The following ENPP3 variants were observed in gnomAD, a reference collection of about 807,000 sequenced individuals.
ENPP3 encodes ectonucleotide pyrophosphatase/phosphodiesterase 3.
Under a neutral mutation model 117.8 loss-of-function variants are expected in ENPP3, and 104 were observed. The observed-to-expected ratio is 0.88, with a 90% CI of 0.75 to 1.04. ENPP3 has a LOEUF of 1.04. Ranked by LOEUF, ENPP3 falls within the 50% of genes least tolerant of loss-of-function variation. The pLI is 0.00. For synonymous variants in ENPP3, 380 were observed against 349.9 expected (o/e 1.09, Z -0.96); for missense variants, 1,026 against 1,051.9 (o/e 0.98, Z 0.34).
intron 13 of ENPP3, 151 bp downstream of exon 13, chr6:131,685,646 A>G: frequency 4.0e-6 from 3 of 754,562 alleles, no homozygotes; most frequent in Non-Finnish European, 6.6e-6. Context: ...TCCCATGCTT[A>G]AGTACAGTCT....
chr6:131,671,609 T>G (rs1778744159), intron 7 of ENPP3, among the ~76,000 whole-genome samples: 1 of 152,224 alleles, frequency 6.6e-6, no homozygotes, highest in African/African-American at 2.4e-5. Context: ...TCCTCTGATC[T>G]TTCGATTGCC....
chr6:131,720,860 C>T (rs896284343), intron 17 of ENPP3, among the ~76,000 whole-genome samples: 14 of 152,266 alleles, frequency 9.2e-5, no homozygotes, highest in African/African-American at 2.6e-4. Context: ...GCTAAGATTA[C>T]GGGCATGAGC....
intron 21 of ENPP3, among the ~76,000 whole-genome samples, chr6:131,736,007 G>T (rs1336883353): frequency 1.3e-5 from 2 of 152,216 alleles, no homozygotes; most frequent in Non-Finnish European, 2.9e-5. Flanking sequence ...AATGAAAAAG[G>T]ATTTGAATAA....
chr6:131,725,874 C>T (rs2114540920), intron 19 of ENPP3, among the ~76,000 whole-genome samples, 172 bp from the exon 20 acceptor site: 1 of 152,004 alleles, frequency 6.6e-6, no homozygotes, highest in East Asian at 1.9e-4. Flanking sequence ...AATAATTATA[C>T]ATTGGATTGT....
intron 14 of ENPP3, among the ~76,000 whole-genome samples, chr6:131,687,797 G>A (rs1304980856): frequency 1.3e-5 from 2 of 151,984 alleles, no homozygotes; most frequent in Non-Finnish European, 2.9e-5. Flanking sequence ...AACCACAATG[G>A]AATAGTTTTT....
At chr6:131,660,284 C>A (rs1025101772) in intron 6 of ENPP3, among the ~76,000 whole-genome samples, 1 of 152,118 alleles carries the variant, frequency 6.6e-6, no homozygotes, top group Non-Finnish European at 1.5e-5. Context: ...AGCCCAGGGC[C>A]CCATCTCTAG....
intron 6 of ENPP3, among the ~76,000 whole-genome samples, chr6:131,666,030 A>G (rs1778609431): frequency 6.6e-6 from 1 of 152,050 alleles, no homozygotes; most frequent in Non-Finnish European, 1.5e-5. Context: ...TCCCTGTAAT[A>G]TAGATTTCTA....
intron 24 of ENPP3, 71 bp from the exon 25 acceptor site, chr6:131,746,715 C>G (rs1156780666): frequency 1.5e-6 from 2 of 1,356,678 alleles, no homozygotes; most frequent in African/African-American, 1.5e-5. Context: ...AACTTCTAAG[C>G]AATAAAAATA....
intron 7 of ENPP3, among the ~76,000 whole-genome samples, chr6:131,673,537 G>A (rs1468453808): frequency 6.6e-6 from 1 of 152,114 alleles, no homozygotes; most frequent in Non-Finnish European, 1.5e-5. Flanking sequence ...GAGGGTGGGA[G>A]GAGGGAGAGG....
In ENPP3 at chr6:131,700,667, A is replaced by C. The variant is rs947242852; in HGVS notation, c.1412+7043A>C. 32 of 1,559,110 alleles carry C rather than the reference A, an allele frequency of 2.1e-5. 4 individuals are homozygous for C. The highest frequency in any genetic ancestry group is 7.4e-5 in the Admixed American group (4 of 53,884). Reference sequence around the variant, plus strand: ...CTGTGCCATAAACGAGTCCAATCACACAGAGGTGGGAGAAGCAGGTGCGGA... The same window carrying C: ...CTGTGCCATAAACGAGTCCAATCACCCAGAGGTGGGAGAAGCAGGTGCGGA... On this transcript the variant is annotated intron_variant, in intron 15 of 24. Transcript: ENST00000357639.
chr6:131,742,624 T>G (rs3843999), intron 24 of ENPP3, among the ~76,000 whole-genome samples: 22,890 of 151,966 alleles, frequency 0.15, 2,282 homozygotes, highest in East Asian at 0.45. Flanking sequence ...ACAACAAAAA[T>G]ACAAAGAAAC....
intron 20 of ENPP3, among the ~76,000 whole-genome samples, chr6:131,726,941 A>T (rs1008005148): frequency 6.6e-6 from 1 of 152,220 alleles, no homozygotes; most frequent in African/African-American, 2.4e-5. Context: ...CCCTTTGTGC[A>T]TATCTTTATG....
intron 6 of ENPP3, among the ~76,000 whole-genome samples, chr6:131,668,246 T>C (rs1324981307): frequency 7.1e-6 from 1 of 140,344 alleles, no homozygotes; most frequent in Non-Finnish European, 1.5e-5. Flanking sequence ...GGAGTCTTGC[T>C]CTGTCGCCGA....
At chr6:131,722,192 TA>T in intron 17 of ENPP3, 34 bp from the exon 18 acceptor site, 1 of 1,507,108 alleles carries the variant, frequency 6.6e-7, no homozygotes, top group Non-Finnish European at 9.2e-7. Flanking sequence ...CTTTCCAGTG[TA>T]AAGCTACTTT....
intron 6 of ENPP3, among the ~76,000 whole-genome samples, chr6:131,661,908 C>T (rs533153530): frequency 4.6e-5 from 7 of 152,238 alleles, no homozygotes; most frequent in African/African-American, 1.7e-4. Flanking sequence ...TTGATATAGT[C>T]CTACATGTCC....
intron 14 of ENPP3, among the ~76,000 whole-genome samples, chr6:131,693,135 A>ACACC (rs1554264408): frequency 2.7e-5 from 4 of 146,988 alleles, no homozygotes; most frequent in African/African-American, 1.0e-4. Context: ...ACACACACAC[A>ACACC]CCCCCAGGAA....
Position 131,668,323 on chromosome 6 carries a change from C to T in ENPP3, c.563-2925C>T, listed in dbSNP as rs1003811264. 2.7e-5 allele frequency among the ~76,000 whole-genome samples: 4 copies of T among 146,096 alleles called. No individual in the cohort carries two copies. The Admixed American group carries it at 2.8e-4, about 10-fold the overall frequency. On this transcript the variant is annotated intron_variant, in intron 6 of 24. Coordinates refer to ENST00000357639, the MANE Select transcript of ENPP3 (RefSeq NM_005021.5). ...CGCTTCTCGGGTTCCAGTGATTCTC[C>T]TGTCTCGCCCCCCCCTGAGGATCTG... is the stretch of plus-strand genomic sequence containing the variant.
intron 2 of ENPP3, among the ~76,000 whole-genome samples, chr6:131,641,799 GTT>G (rs540011427): frequency 6.0e-3 from 386 of 63,948 alleles, no homozygotes; most frequent in African/African-American, 0.027. Context: ...CTCCACCCTG[GTT>G]TTTTTTTTTT....
chr6:131,698,342 G>A (rs1035801876), intron 15 of ENPP3, among the ~76,000 whole-genome samples: 3 of 137,226 alleles, frequency 2.2e-5, no homozygotes, highest in South Asian at 5.2e-4. Flanking sequence ...TCCTCTCCAA[G>A]GCAGCTTCCT....
Sources: allele counts gnomAD v4.1 joint callset (sites outside exome capture counted in the v4.1 genomes callset), GRCh38; gene constraint gnomAD v4.1.1; transcripts MANE v1.5; gene names NCBI Gene and HGNC (gene_info 2026-07-23, HGNC 2026-07-21).